The following FXN variants were observed in gnomAD, a reference collection of about 807,000 sequenced individuals.
FXN encodes frataxin, mitochondrial.
Under a neutral mutation model 22.4 loss-of-function variants are expected in FXN, and 14 were observed. That is an observed-to-expected ratio of 0.62 (90% CI 0.41 to 0.98). The LOEUF (loss-of-function observed/expected upper bound fraction) is 0.98. Among genes scored for constraint, FXN ranks in the 50% least tolerant of loss-of-function variants. The pLI is 0.00. For synonymous variants in FXN, 120 were observed against 114.1 expected (o/e 1.05, Z -0.33); for missense variants, 267 against 268.4 (o/e 0.99, Z 0.04).
intron 3 of FXN, among the ~76,000 whole-genome samples, chr9:69,053,856 C>A (rs192623890): frequency 2.2e-4 from 33 of 152,290 alleles, no homozygotes; most frequent in Admixed American, 1.9e-3. Context: ...TCCTGGGAAG[C>A]ATATTTTTGA....
At position 69,075,225 on chromosome 9, in the gene FXN, A is replaced by C; in HGVS notation, c.*2463A>C. 4 of 818,794 alleles carry C rather than the reference A, an allele frequency of 4.9e-6. No homozygotes were observed. Among genetic ancestry groups the C allele is most frequent in the Non-Finnish European group, 5.9e-6 (4 of 679,306 alleles). The allele number at this position is 818,794 out of a possible 1,614,324, so 50.7% of individuals were successfully genotyped here. On this transcript the variant is annotated 3_prime_UTR_variant, in exon 5 of 5. Transcript: ENST00000484259. ...GTAATCCCAGCACTTTGGGAGGCTG[A>C]GGCAAGTGTATCACCTGAGGTCAGG...
chr9:69,043,851 A>G (rs1435216286), intron 1 of FXN, among the ~76,000 whole-genome samples: 1 of 152,054 alleles, frequency 6.6e-6, no homozygotes, highest in Non-Finnish European at 1.5e-5. Context: ...CCCAAACTGC[A>G]GAGATTATAG....
intron 3 of FXN, among the ~76,000 whole-genome samples, chr9:69,056,105 C>T (rs1264102149): frequency 6.6e-6 from 1 of 152,094 alleles, no homozygotes; most frequent in Non-Finnish European, 1.5e-5. Context: ...TCTCAAACTC[C>T]TGGCCTCAAG....
At chr9:69,042,350 T>C (rs1681191040) in intron 1 of FXN, among the ~76,000 whole-genome samples, 1 of 152,000 alleles carries the variant, frequency 6.6e-6, no homozygotes, top group South Asian at 2.1e-4. Flanking sequence ...GAAGTTTGCC[T>C]CTCACCTAGT....
In FXN at chr9:69,065,054, A is replaced by C. The variant is rs1287143347; in HGVS notation, c.482+19A>C. On this transcript the variant is annotated intron_variant, in intron 4 of 4. Transcript: ENST00000484259. The stretch of plus-strand genomic sequence containing the variant: ...CATCCAGGTATGTAGGTATGTTCAG[A>C]AGTCAACATATGTAATTCTTAAAGA... The C allele has an allele frequency of 3.2e-6, 5 of 1,558,092 alleles. No homozygotes were observed. The highest frequency in any genetic ancestry group is 4.4e-6 in the Non-Finnish European group (5 of 1,128,954).
rs104894107 is a variant in FXN, at chr9:69,064,942, G to C, written c.389G>C (p.Gly130Ala). Residue 130 changes from glycine to alanine, a missense_variant, in exon 4 of 5, where the codon GGT becomes GCT. Coordinates refer to ENST00000484259, the MANE Select transcript of FXN (RefSeq NM_000144.5). Reference protein sequence around the residue: ...FEDYDVSFGSGVLTVKLGGDL... With the variant: ...FEDYDVSFGSAVLTVKLGGDL... ...TTTTTCCACCTAATCCCCTAGAGTG[G>C]TGTCTTAACTGTCAAACTGGGTGGA... The C allele has an allele frequency of 2.2e-5, 35 of 1,606,278 alleles. No homozygotes were observed. In the South Asian group the frequency reaches 3.5e-4, roughly 16 times the overall value.
chr9:69,068,367 C>G (rs531364065), intron 4 of FXN, among the ~76,000 whole-genome samples: 4 of 152,324 alleles, frequency 2.6e-5, no homozygotes, highest in Non-Finnish European at 5.9e-5. Context: ...GGTGCCTCCC[C>G]TCCCCCCAGC....
intron 3 of FXN, among the ~76,000 whole-genome samples, chr9:69,056,610 G>C (rs1831963275): frequency 6.6e-6 from 1 of 152,188 alleles, no homozygotes; most frequent in Non-Finnish European, 1.5e-5. Context: ...CAGGATGACA[G>C]GGCAAGACCC....
At position 69,039,255 on chromosome 9, in the gene FXN, C is replaced by CA. The variant is rs57602725; in HGVS notation, c.165+3322dup. 3.9e-3 allele frequency among the ~76,000 whole-genome samples: 352 copies of CA among 90,314 alleles called. 1 individual carries two copies. The highest frequency in any genetic ancestry group is 0.011 in the Middle Eastern group (2 of 186). The allele number at this position is 90,314 out of a possible 152,430, so 59.2% of individuals were successfully genotyped here. ...TGGGCGACAGAGCGAGACTCCGTCTCAAAAAAAAAAAAAAGGCTCCTAATA... is the reference window on the plus strand; with the variant it reads ...TGGGCGACAGAGCGAGACTCCGTCTCAAAAAAAAAAAAAAAGGCTCCTAATA... On this transcript the variant is annotated intron_variant, in intron 1 of 4. Coordinates refer to ENST00000484259, the MANE Select transcript of FXN (RefSeq NM_000144.5).
In FXN at chr9:69,075,390, G is replaced by T; in HGVS notation, c.*2628G>T. ...CAGGAGAATCGCTGTAACCTGGGGG[G>T]TGGAGGTTGCAGTGAGACGAGATCA... On this transcript the variant is annotated 3_prime_UTR_variant, in exon 5 of 5. Transcript: ENST00000484259. The T allele has an allele frequency of 1.4e-6, 1 of 726,942 alleles. No individual in the cohort carries two copies. The highest frequency in any genetic ancestry group is 1.7e-6 in the Non-Finnish European group (1 of 594,874). The allele number at this position is 726,942 out of a possible 1,614,324, so 45.0% of individuals were successfully genotyped here. A position where few individuals can be genotyped will look rare whatever the true frequency, so the allele number is the denominator to read the frequency against.
chr9:69,050,089 A>G (rs1411357006), intron 2 of FXN, among the ~76,000 whole-genome samples: 3 of 152,136 alleles, frequency 2.0e-5, no homozygotes, highest in African/African-American at 4.8e-5. Context: ...CTGATTACCA[A>G]TAGCATAGAT....
chr9:69,062,541 T>C (rs1832093431), intron 3 of FXN, among the ~76,000 whole-genome samples: 1 of 152,162 alleles, frequency 6.6e-6, no homozygotes, highest in African/African-American at 2.4e-5. Flanking sequence ...AAAAATGCTT[T>C]CAAAAACTGG....
Position 69,072,931 on chromosome 9 carries a change from T to G in FXN, c.*169T>G. The G allele has an allele frequency of 6.8e-7, 1 of 1,464,482 alleles. No homozygotes were observed. The highest frequency in any genetic ancestry group is 9.0e-7 in the Non-Finnish European group (1 of 1,116,712). The allele number at this position is 1,464,482 out of a possible 1,614,324, so 90.7% of individuals were successfully genotyped here. On this transcript the variant is annotated 3_prime_UTR_variant, in exon 5 of 5. Coordinates refer to ENST00000484259, the MANE Select transcript of FXN (RefSeq NM_000144.5). ...TCTGTAGAAAGAATGTGTTGCCTCC[T>G]ACCTTGCCCCCAAGTTCTGATTTTT...
intron 4 of FXN, among the ~76,000 whole-genome samples, chr9:69,067,494 C>T (rs577524070): frequency 1.3e-5 from 2 of 152,156 alleles, no homozygotes; most frequent in Non-Finnish European, 2.9e-5. Flanking sequence ...CATGCTGTGG[C>T]CCGGACAGTG....
Position 69,072,651 on chromosome 9 carries a change from G to T in FXN, c.522G>T (p.Val174=), listed in dbSNP as rs1832295650. The T allele has an allele frequency of 1.2e-6, 2 of 1,614,120 alleles. No homozygotes were observed. The highest frequency in any genetic ancestry group is 8.5e-7 in the Non-Finnish European group (1 of 1,180,030). The change falls in exon 5 of 5, where the codon GTG becomes GTT. Residue 174 remains valine (V), a synonymous_variant. Coordinates refer to ENST00000484259, the MANE Select transcript of FXN (RefSeq NM_000144.5). ...KRYDWTGKNW[V]YSHDGVSLHE... is the part of the protein sequence containing the mutation. ...ATGACTGGACTGGGAAAAACTGGGT[G>T]TACTCCCACGACGGCGTGTCCCTCC...
intron 1 of FXN, among the ~76,000 whole-genome samples, chr9:69,045,427 C>T (rs1295793767): frequency 6.6e-6 from 1 of 152,118 alleles, no homozygotes; most frequent in Non-Finnish European, 1.5e-5. Flanking sequence ...GAAACCCCGT[C>T]TCTACTAAAA....
chr9:69,053,395 C>A, intron 3 of FXN, 135 bp downstream of exon 3: 1 of 1,142,296 alleles, frequency 8.8e-7, no homozygotes, highest in Non-Finnish European at 1.3e-6. Flanking sequence ...ACTAGGGTTC[C>A]GGGAGGTGAA....
chr9:69,036,336 C>T (rs1831551236), intron 1 of FXN: 1 of 158,056 alleles, frequency 6.3e-6, no homozygotes, highest in South Asian at 2.0e-4. Context: ...CTAGTATATA[C>T]ATACACATAA....
intron 1 of FXN, 46 bp from the exon 2 acceptor site, chr9:69,046,339 T>C (rs1176641766): frequency 7.2e-7 from 1 of 1,397,282 alleles, no homozygotes; most frequent in Non-Finnish European, 1.0e-6. Context: ...TAATGGGTTA[T>C]AATTCACTGA....
Sources: gnomAD v4.1 joint callset for allele counts (sites outside exome capture counted in the v4.1 genomes callset) on GRCh38, gnomAD v4.1.1 for gene constraint, MANE v1.5 for transcripts, NCBI Gene and HGNC (gene_info 2026-07-23, HGNC 2026-07-21) for gene names.